Variants in TOP2B observed in about 807,000 individuals in gnomAD.
The protein encoded by TOP2B is DNA topoisomerase II beta.
A neutral mutation model predicts 193.5 loss-of-function variants in TOP2B; 51 were observed. The observed-to-expected ratio is 0.26, with a 90% CI of 0.21 to 0.33. TOP2B has a LOEUF of 0.33. TOP2B is among the 10% of genes least tolerant of loss of function. The probability of loss-of-function intolerance (pLI) is 1.00; values close to 1 mark genes in which losing one functional copy is unlikely to be tolerated. For missense variants in TOP2B, 1,378 were observed against 1,909.3 expected, an observed-to-expected ratio of 0.72 and a Z score of 5.19; for synonymous variants, 634 against 635.7, an observed-to-expected ratio of 1.00 and a Z score of 0.04.
chr3:25,623,246 T>C (rs1336382454), intron 21 of TOP2B, among the ~76,000 whole-genome samples: 2 of 152,206 alleles, frequency 1.3e-5, no homozygotes, highest in Non-Finnish European at 2.9e-5. Context: ...TGTTTTCTAA[T>C]AATATAGGGT....
intron 20 of TOP2B, 82 bp from the exon 21 acceptor site, chr3:25,623,828 C>A (rs1427935925): frequency 1.2e-6 from 1 of 819,690 alleles, no homozygotes. Flanking sequence ...AAACTTCACA[C>A]TGCAAAAACA....
chr3:25,601,336 G>C, intron 33 of TOP2B, 111 bp from the exon 34 acceptor site: 1 of 1,334,594 alleles, frequency 7.5e-7, no homozygotes, highest in Non-Finnish European at 1.0e-6. Flanking sequence ...TGAGTTGCCT[G>C]GCTGGGCGTG....
At chr3:25,652,729 T>C (rs943705250) in intron 1 of TOP2B, among the ~76,000 whole-genome samples, 10 of 152,006 alleles carry the variant, frequency 6.6e-5, no homozygotes, top group Non-Finnish European at 1.5e-4. Context: ...ACAACCTAAC[T>C]TTAGACCCTT....
At chr3:25,625,366 A>G (rs1702768047) in intron 18 of TOP2B, among the ~76,000 whole-genome samples, 1 of 152,170 alleles carries the variant, frequency 6.6e-6, no homozygotes, top group Non-Finnish European at 1.5e-5. Context: ...AGAAATAATT[A>G]CTTTCTTAAT....
chr3:25,609,414 G>C, intron 29 of TOP2B, 70 bp from the exon 30 acceptor site: 1 of 1,464,860 alleles, frequency 6.8e-7, no homozygotes, highest in Non-Finnish European at 9.1e-7. Flanking sequence ...AAATAAAATT[G>C]TTATAATGAA....
intron 1 of TOP2B, among the ~76,000 whole-genome samples, chr3:25,655,940 G>A (rs1296946531): frequency 6.6e-6 from 1 of 152,112 alleles, no homozygotes; most frequent in African/African-American, 2.4e-5. Flanking sequence ...TACTTCTAGA[G>A]ATCTGTTGCT....
intron 1 of TOP2B, among the ~76,000 whole-genome samples, chr3:25,658,241 A>G (rs2125410478): frequency 6.6e-6 from 1 of 151,052 alleles, no homozygotes; most frequent in East Asian, 1.9e-4. Flanking sequence ...CAAAAAATAT[A>G]TAATAATAAT....
At chr3:25,638,001 TC>T (rs1703151467) in intron 5 of TOP2B, among the ~76,000 whole-genome samples, 163 bp downstream of exon 5, 1 of 151,974 alleles carries the variant, frequency 6.6e-6, no homozygotes, top group Non-Finnish European at 1.5e-5. Context: ...TTTTTAAATG[TC>T]ACTGTTAAAC....
intron 1 of TOP2B, among the ~76,000 whole-genome samples, chr3:25,658,691 G>C (rs1703821079): frequency 6.6e-6 from 1 of 151,942 alleles, no homozygotes; most frequent in Admixed American, 6.6e-5. Context: ...TGGCACTTTT[G>C]CAATATTGCT....
At chr3:25,624,240 A>G in intron 20 of TOP2B, 57 bp downstream of exon 20, 1 of 1,574,026 alleles carries the variant, frequency 6.4e-7, no homozygotes, top group Non-Finnish European at 8.7e-7. Context: ...TCGAACATTT[A>G]GTTAGTTGGT....
In TOP2B at chr3:25,636,044, C is replaced by T. The variant is rs1313920434; in HGVS notation, c.744G>A (p.Lys248=). ...ITFQPDLSKF[K]MEKLDKDIVA... The stretch of plus-strand genomic sequence containing the variant: ...CAATATCCTTGTCAAGTTTTTCCAT[C>T]TTAAATTTGGACAGATCTGGTTGGA... Residue 248 remains lysine (K), a synonymous_variant, in exon 7 of 36, where the codon AAG becomes AAA. Coordinates refer to ENST00000264331, the MANE Select transcript of TOP2B (RefSeq NM_001330700.2). The T allele has an allele frequency of 5.6e-6, 9 of 1,613,426 alleles. No homozygotes were observed. Among genetic ancestry groups the T allele is most frequent in the Non-Finnish European group, 7.6e-6 (9 of 1,179,574 alleles).
At chr3:25,624,249 G>C in intron 20 of TOP2B, 48 bp downstream of exon 20, 1 of 1,598,434 alleles carries the variant, frequency 6.3e-7, no homozygotes, top group Non-Finnish European at 8.6e-7. Flanking sequence ...TAGTTAGTTG[G>C]TTCCAAATCA....
At chr3:25,631,074 G>T (rs1702941506) in intron 10 of TOP2B, 135 bp from the exon 11 acceptor site, 1 of 617,876 alleles carries the variant, frequency 1.6e-6, no homozygotes, top group East Asian at 3.2e-5. Flanking sequence ...ATGGTGATAA[G>T]CATCATGATA....
At position 25,630,301 on chromosome 3, in the gene TOP2B, C is replaced by A. The variant is rs1702921214; in HGVS notation, c.1563+11G>T. 1 of 1,550,222 alleles carries A rather than the reference C, an allele frequency of 6.5e-7. No homozygotes were observed. The highest frequency in any genetic ancestry group is 2.0e-5 in the Admixed American group (1 of 50,896). On this transcript the variant is annotated intron_variant, in intron 12 of 35. Coordinates refer to ENST00000264331, the MANE Select transcript of TOP2B (RefSeq NM_001330700.2). Reference sequence around the variant, plus strand: ...GTGTGTATACACATATATATACACACACATACATACCTGTTTATGAGAAGC... The same window carrying A: ...GTGTGTATACACATATATATACACAAACATACATACCTGTTTATGAGAAGC...
At chr3:25,629,011 A>T (rs200947038) in intron 14 of TOP2B, 24 bp downstream of exon 14, 102 of 1,570,494 alleles carry the variant, frequency 6.5e-5, no homozygotes, top group Non-Finnish European at 8.2e-5. Context: ...CAACAATATA[A>T]AAATATATTA....
intron 4 of TOP2B, among the ~76,000 whole-genome samples, chr3:25,639,924 CAAG>C (rs1375129202): frequency 7.2e-5 from 11 of 152,150 alleles, no homozygotes; most frequent in Admixed American, 6.5e-5. Context: ...CTCCTCCACA[CAAG>C]AAGTTTATGT....
At chr3:25,645,273 A>G (rs1365323981) in intron 2 of TOP2B, 27 bp downstream of exon 2, 1 of 1,502,082 alleles carries the variant, frequency 6.7e-7, no homozygotes. Context: ...ACATCTCCTA[A>G]TTTCAATCAA....
At chr3:25,641,447 A>G (rs1703261747) in intron 4 of TOP2B, among the ~76,000 whole-genome samples, 1 of 152,186 alleles carries the variant, frequency 6.6e-6, no homozygotes, top group African/African-American at 2.4e-5. Flanking sequence ...AAACTTCTGT[A>G]TAAGTTGTAA....
intron 1 of TOP2B, among the ~76,000 whole-genome samples, chr3:25,659,668 G>A (rs1217199880): frequency 1.3e-5 from 2 of 152,146 alleles, no homozygotes; most frequent in Admixed American, 6.5e-5. Flanking sequence ...TTAGCATTAT[G>A]CTATACTAAG....
Sources: allele counts gnomAD v4.1 joint callset (sites outside exome capture counted in the v4.1 genomes callset), GRCh38; gene constraint gnomAD v4.1.1; transcripts MANE v1.5; gene names NCBI Gene and HGNC (gene_info 2026-07-23, HGNC 2026-07-21).